The following ST6GALNAC5 variants were observed in gnomAD, a reference collection of about 807,000 sequenced individuals.
ST6GALNAC5 encodes ST6 N-acetylgalactosaminide alpha-2,6-sialyltransferase 5.
A neutral mutation model predicts 33.6 loss-of-function variants in ST6GALNAC5; 27 were observed. That is an observed-to-expected ratio of 0.80 (90% CI 0.59 to 1.11). ST6GALNAC5 has a LOEUF of 1.11. Among genes scored for constraint, ST6GALNAC5 ranks in the 50% least tolerant of loss-of-function variants. The pLI is 0.00. For missense variants in ST6GALNAC5, 428 were observed against 454.0 expected, an observed-to-expected ratio of 0.94 and a Z score of 0.52; for synonymous variants, 194 against 171.2, an observed-to-expected ratio of 1.13 and a Z score of -1.04.
At chr1:76,951,431 A>C (rs1384228822) in intron 2 of ST6GALNAC5, among the ~76,000 whole-genome samples, 1 of 152,146 alleles carries the variant, frequency 6.6e-6, no homozygotes, top group Non-Finnish European at 1.5e-5. Flanking sequence ...CAATTAGAAC[A>C]CATGGACACA....
At chr1:76,943,682 G>C (rs1218371954) in intron 2 of ST6GALNAC5, among the ~76,000 whole-genome samples, 1 of 152,034 alleles carries the variant, frequency 6.6e-6, no homozygotes, top group Admixed American at 6.6e-5. Flanking sequence ...CTTCATAACA[G>C]TGTAGGAATG....
At chr1:76,918,492 C>A (rs1342356244) in intron 2 of ST6GALNAC5, among the ~76,000 whole-genome samples, 1 of 151,820 alleles carries the variant, frequency 6.6e-6, no homozygotes, top group Non-Finnish European at 1.5e-5. Flanking sequence ...GTGCCACATG[C>A]CTGTAGTCTC....
intron 2 of ST6GALNAC5, among the ~76,000 whole-genome samples, chr1:76,924,126 G>A (rs1254083470): frequency 6.6e-6 from 1 of 152,030 alleles, no homozygotes; most frequent in Non-Finnish European, 1.5e-5. Context: ...GAGGGGTAAG[G>A]AAAGGACCTT....
intron 1 of ST6GALNAC5, 135 bp downstream of exon 1, chr1:76,867,825 A>G (rs1653377079): frequency 1.6e-6 from 2 of 1,274,696 alleles, no homozygotes; most frequent in Non-Finnish European, 2.2e-6. Context: ...ACAACTTTCT[A>G]CCCGCTCCGC....
At chr1:76,877,781 AT>A (rs1192474160) in intron 2 of ST6GALNAC5, among the ~76,000 whole-genome samples, 1 of 152,254 alleles carries the variant, frequency 6.6e-6, no homozygotes, top group Non-Finnish European at 1.5e-5. Flanking sequence ...TCTGAATAAG[AT>A]TATGACACAA....
At chr1:76,878,346 G>A (rs1653696754) in intron 2 of ST6GALNAC5, among the ~76,000 whole-genome samples, 1 of 152,114 alleles carries the variant, frequency 6.6e-6, no homozygotes, top group Non-Finnish European at 1.5e-5. Flanking sequence ...AATGTCTACA[G>A]GATGAGTCTG....
In ST6GALNAC5 at chr1:77,066,469, CTT is replaced by C. The variant is rs1652783507; in HGVS notation, c.*3264_*3265del. 6.6e-6 allele frequency among the ~76,000 whole-genome samples: 1 copy of C among 152,146 alleles called. No homozygotes were observed. The highest frequency in any genetic ancestry group is 2.4e-5 in the African/African-American group (1 of 41,446). ...TCCCCTCAAAAATTAAAATTACCGA[CTT>C]AGAAGATGATAAATGCTAAGTAAAA... On this transcript the variant is annotated 3_prime_UTR_variant, in exon 5 of 5. Transcript: ENST00000477717.
intron 2 of ST6GALNAC5, among the ~76,000 whole-genome samples, chr1:76,949,046 C>T (rs1647638957): frequency 6.6e-6 from 1 of 152,120 alleles, no homozygotes; most frequent in Non-Finnish European, 1.5e-5. Context: ...CTGACAGATA[C>T]ATTACAGGAA....
intron 2 of ST6GALNAC5, among the ~76,000 whole-genome samples, chr1:77,038,355 G>A (rs1651726248): frequency 6.6e-6 from 1 of 152,190 alleles, no homozygotes; most frequent in Non-Finnish European, 1.5e-5. Flanking sequence ...GAGATTGACA[G>A]CTAATAAAAA....
At chr1:77,057,349 A>G (rs1162639641) in intron 4 of ST6GALNAC5, among the ~76,000 whole-genome samples, 2 of 152,354 alleles carry the variant, frequency 1.3e-5, no homozygotes, top group South Asian at 2.1e-4. Flanking sequence ...GGAAAAAAAG[A>G]CAGATTAACA....
chr1:76,914,359 C>T (rs1304735954), intron 2 of ST6GALNAC5, among the ~76,000 whole-genome samples: 2 of 152,094 alleles, frequency 1.3e-5, no homozygotes, highest in Non-Finnish European at 2.9e-5. Context: ...TCATGTGGAA[C>T]CAAAAAAGAG....
intron 2 of ST6GALNAC5, among the ~76,000 whole-genome samples, chr1:77,013,344 C>T (rs980296810): frequency 2.6e-5 from 4 of 152,186 alleles, no homozygotes; most frequent in African/African-American, 9.7e-5. Flanking sequence ...CATTCAGCCT[C>T]GTTTGTGAAG....
intron 2 of ST6GALNAC5, among the ~76,000 whole-genome samples, chr1:76,907,386 C>T (rs1052997044): frequency 2.6e-5 from 4 of 152,112 alleles, no homozygotes; most frequent in Admixed American, 2.6e-4. Flanking sequence ...ACAGAAAAAG[C>T]ACTTGAGGCA....
At chr1:76,874,396 C>T (rs1278300338) in intron 2 of ST6GALNAC5, among the ~76,000 whole-genome samples, 1 of 152,084 alleles carries the variant, frequency 6.6e-6, no homozygotes, top group Non-Finnish European at 1.5e-5. Context: ...TTGTACTAGT[C>T]AGGGTTCTGT....
intron 2 of ST6GALNAC5, among the ~76,000 whole-genome samples, chr1:77,038,296 A>G (rs560542194): frequency 5.3e-4 from 81 of 152,320 alleles, no homozygotes; most frequent in African/African-American, 1.9e-3. Context: ...TTTTCTAGTG[A>G]ATCACATTAA....
At chr1:76,956,098 G>T (rs1647952756) in intron 2 of ST6GALNAC5, among the ~76,000 whole-genome samples, 1 of 152,084 alleles carries the variant, frequency 6.6e-6, no homozygotes, top group Non-Finnish European at 1.5e-5. Context: ...AACTAAAAAA[G>T]GGAAAATAAA....
intron 2 of ST6GALNAC5, among the ~76,000 whole-genome samples, chr1:76,974,416 A>G (rs1376892723): frequency 6.6e-6 from 1 of 151,730 alleles, no homozygotes; most frequent in Non-Finnish European, 1.5e-5. Context: ...CTTCCCAGGC[A>G]GGTCTCAAAC....
At chr1:77,057,745 GC>G (rs1652447286) in intron 4 of ST6GALNAC5, among the ~76,000 whole-genome samples, 1 of 152,160 alleles carries the variant, frequency 6.6e-6, no homozygotes, top group African/African-American at 2.4e-5. Flanking sequence ...TGATCTCCCT[GC>G]TTCTGTTGTT....
intron 2 of ST6GALNAC5, among the ~76,000 whole-genome samples, chr1:76,932,995 G>A (rs886951717): frequency 5.9e-5 from 9 of 151,962 alleles, no homozygotes; most frequent in South Asian, 4.2e-4. Context: ...CAATTTAAGC[G>A]AAACAGGCAA....
Sources: allele counts gnomAD v4.1 joint callset (sites outside exome capture counted in the v4.1 genomes callset), GRCh38; gene constraint gnomAD v4.1.1; transcripts MANE v1.5; gene names NCBI Gene and HGNC (gene_info 2026-07-23, HGNC 2026-07-21).